GPHN: variants seen among roughly 807,000 people sequenced by gnomAD.
GPHN encodes the protein gephyrin.
In GPHN, 17 loss-of-function variants were observed where a neutral mutation model predicts 95.5. The ratio of observed to expected loss-of-function variants is 0.18; its 90% confidence interval spans 0.12 to 0.27. GPHN has a LOEUF of 0.27. Ranked by LOEUF, GPHN falls within the 10% of genes least tolerant of loss-of-function variation. The pLI is 1.00. For synonymous variants in GPHN, 320 were observed against 322.5 expected (o/e 0.99, Z 0.08); for missense variants, 660 against 978.1 (o/e 0.67, Z 4.34).
chr14:67,688,680 C>T, the GPHN span, among the ~76,000 whole-genome samples: 1 of 151,656 alleles, frequency 6.6e-6, no homozygotes, highest in Non-Finnish European at 1.5e-5. Flanking sequence ...AGTGATCCTC[C>T]GGTTTTGGCC....
At chr14:67,151,661 T>C (rs1444261024) in intron 18 of GPHN, among the ~76,000 whole-genome samples, 2 of 152,210 alleles carry the variant, frequency 1.3e-5, no homozygotes, top group African/African-American at 2.4e-5. Context: ...TTTGTTTTTT[T>C]GAGACAGTGT....
intron 2 of GPHN, among the ~76,000 whole-genome samples, chr14:66,714,788 G>C (rs2070009018): frequency 6.6e-6 from 1 of 152,150 alleles, no homozygotes; most frequent in Non-Finnish European, 1.5e-5. Context: ...TTATTGACTT[G>C]TGTATGTTAA....
At chr14:67,190,855 C>G in the GPHN span, among the ~76,000 whole-genome samples, 1 of 152,202 alleles carries the variant, frequency 6.6e-6, no homozygotes, top group Non-Finnish European at 1.5e-5. Context: ...TGCCACACTT[C>G]AAAGTGCTGG....
the GPHN span, among the ~76,000 whole-genome samples, chr14:67,226,361 T>C: frequency 3.3e-5 from 5 of 151,390 alleles, no homozygotes; most frequent in Non-Finnish European, 5.9e-5. Flanking sequence ...CCAGCTAGTT[T>C]TTTTTGTTTT....
At chr14:67,451,534 A>C in the GPHN span, among the ~76,000 whole-genome samples, 1 of 151,308 alleles carries the variant, frequency 6.6e-6, no homozygotes, top group Non-Finnish European at 1.5e-5. Flanking sequence ...ACATGGAATC[A>C]AAAGAGATCA....
At chr14:67,179,312 G>C (rs1311838081) in intron 21 of GPHN, among the ~76,000 whole-genome samples, 2 of 152,164 alleles carry the variant, frequency 1.3e-5, no homozygotes, top group African/African-American at 4.8e-5. Context: ...CTGGAGCCCA[G>C]GAGGTCAAGG....
At chr14:66,531,681 T>C (rs146892582) in intron 1 of GPHN, among the ~76,000 whole-genome samples, 2 of 152,318 alleles carry the variant, frequency 1.3e-5, no homozygotes, top group Non-Finnish European at 2.9e-5. Context: ...TAACAAACAA[T>C]ACAGCTCAAC....
intron 9 of GPHN, among the ~76,000 whole-genome samples, chr14:66,972,070 C>G (rs915875212): frequency 6.6e-6 from 1 of 151,810 alleles, no homozygotes; most frequent in African/African-American, 2.4e-5. Context: ...GAGTTCGAGA[C>G]CAGCCTGGCC....
At chr14:67,620,588 G>T in the GPHN span, among the ~76,000 whole-genome samples, 1 of 152,140 alleles carries the variant, frequency 6.6e-6, no homozygotes, top group African/African-American at 2.4e-5. Flanking sequence ...GAGCTGTTTT[G>T]TTCTCTTCAA....
the GPHN span, among the ~76,000 whole-genome samples, chr14:67,268,759 C>T: frequency 3.5e-4 from 53 of 152,146 alleles, 1 homozygote; most frequent in African/African-American, 1.3e-3. Flanking sequence ...GTCAGCAGGG[C>T]CTTTGTGACC....
the GPHN span, among the ~76,000 whole-genome samples, chr14:67,237,014 C>T: frequency 1.3e-5 from 2 of 151,914 alleles, no homozygotes; most frequent in African/African-American, 2.4e-5. Context: ...CGCTTGAACC[C>T]GGGAGGCGGA....
the GPHN span, among the ~76,000 whole-genome samples, chr14:67,193,282 C>G: frequency 4.4e-5 from 6 of 135,474 alleles, no homozygotes; most frequent in African/African-American, 1.4e-4. Context: ...CTATATATCT[C>G]TATATAGACA....
intron 9 of GPHN, among the ~76,000 whole-genome samples, chr14:66,989,214 A>T (rs931505493): frequency 6.6e-6 from 1 of 151,264 alleles, no homozygotes; most frequent in African/African-American, 2.4e-5. Context: ...ATCCATAATC[A>T]CTCCCCAAAA....
At chr14:67,664,212 T>C in the GPHN span, among the ~76,000 whole-genome samples, 3 of 152,168 alleles carry the variant, frequency 2.0e-5, no homozygotes, top group Non-Finnish European at 4.4e-5. Flanking sequence ...ATTCACACCG[T>C]TGTGGAGCCA....
chr14:66,964,435 G>T (rs1410694693), intron 8 of GPHN, among the ~76,000 whole-genome samples: 1 of 152,162 alleles, frequency 6.6e-6, no homozygotes, highest in Admixed American at 6.6e-5. Context: ...GGTAATTGAG[G>T]AGAGTTCAAT....
intron 1 of GPHN, among the ~76,000 whole-genome samples, chr14:66,639,644 C>G (rs1020744823): frequency 6.6e-6 from 1 of 151,304 alleles, no homozygotes; most frequent in African/African-American, 2.4e-5. Context: ...AAAAGTTAAG[C>G]TAGACCTTGA....
chr14:67,265,990 G>A, the GPHN span, among the ~76,000 whole-genome samples: 1 of 151,156 alleles, frequency 6.6e-6, no homozygotes, highest in Non-Finnish European at 1.5e-5. Context: ...TTTATTTTTT[G>A]TAGAGACAAG....
chr14:66,683,695 C>T (rs1595536107), intron 2 of GPHN, among the ~76,000 whole-genome samples: 2 of 150,652 alleles, frequency 1.3e-5, no homozygotes, highest in Admixed American at 6.7e-5. Flanking sequence ...AAAATCTCTT[C>T]GGCCAGGCAC....
chr14:66,627,631 C>T (rs115704447), intron 1 of GPHN, among the ~76,000 whole-genome samples: 116 of 151,976 alleles, frequency 7.6e-4, no homozygotes, highest in African/African-American at 2.7e-3. Context: ...TTTTTTGAAT[C>T]GTTCTTTAAA....
Sources: gnomAD v4.1 joint callset for allele counts (sites outside exome capture counted in the v4.1 genomes callset) on GRCh38, gnomAD v4.1.1 for gene constraint, MANE v1.5 for transcripts, NCBI Gene and HGNC (gene_info 2026-07-23, HGNC 2026-07-21) for gene names.